SIRPG: variants seen among roughly 807,000 people sequenced by gnomAD.
SIRPG encodes signal-regulatory protein gamma.
SIRPG carries 38 observed loss-of-function variants against 35.7 expected under a neutral mutation model. That is an observed-to-expected ratio of 1.06 (90% CI 0.82 to 1.40). The LOEUF (loss-of-function observed/expected upper bound fraction) is 1.40. Among genes scored for constraint, SIRPG ranks in the 40% most tolerant of loss-of-function variants. The pLI is 0.00. For missense variants in SIRPG, 519 were observed against 483.0 expected, an observed-to-expected ratio of 1.07 and a Z score of -0.70; for synonymous variants, 215 against 190.4, an observed-to-expected ratio of 1.13 and a Z score of -1.06.
At chr20:1,647,887 T>C (rs535145966) in intron 2 of SIRPG, 1 of 152,358 alleles carries the variant, frequency 6.6e-6, no homozygotes, top group East Asian at 1.9e-4. Context: ...TCCATGGTTC[T>C]GTTTGAGGAG....
In SIRPG at chr20:1,652,136, T is replaced by C. The variant is rs140659483; in HGVS notation, c.74-2728A>G. The stretch of plus-strand genomic sequence containing the variant: ...TGGTCATAAACTTCCCCAGGGCTTC[T>C]AACGCAAAACAAAAAATAAAACAAA... On this transcript the variant is annotated intron_variant, in intron 1 of 5. Coordinates refer to ENST00000303415, the MANE Select transcript of SIRPG (RefSeq NM_018556.4). Among the ~76,000 whole-genome samples, 429 of 152,324 alleles carry C rather than the reference T, an allele frequency of 2.8e-3. 2 individuals carry two copies. Among genetic ancestry groups the C allele is most frequent in the African/African-American group, 9.8e-3 (408 of 41,586 alleles).
intron 1 of SIRPG, among the ~76,000 whole-genome samples, chr20:1,657,111 G>A (rs915485467): frequency 1.3e-5 from 2 of 152,158 alleles, no homozygotes; most frequent in Non-Finnish European, 2.9e-5. Context: ...GACACATGGA[G>A]GAGATGGCCT....
the SIRPG span, among the ~76,000 whole-genome samples, chr20:1,667,958 G>A: frequency 6.6e-6 from 1 of 152,100 alleles, no homozygotes; most frequent in East Asian, 1.9e-4. Context: ...TGAGAACAGG[G>A]TTACTTCTTT....
At chr20:1,658,549 A>G (rs962158200), upstream of SIRPG, among the ~76,000 whole-genome samples, 4 of 152,180 alleles carry the variant, frequency 2.6e-5, no homozygotes, top group Admixed American at 6.5e-5. Flanking sequence ...GGAAATGAGG[A>G]AAGAGGAAAA....
chr20:1,671,114 C>T, the SIRPG span: 39 of 425,614 alleles, frequency 9.2e-5, no homozygotes, highest in Middle Eastern at 1.7e-3. Context: ...GGGGAGAAGC[C>T]GTGGGACTCA....
At chr20:1,669,085 G>C in the SIRPG span, among the ~76,000 whole-genome samples, 11 of 152,208 alleles carry the variant, frequency 7.2e-5, no homozygotes, top group Non-Finnish European at 1.0e-4. Context: ...TGGTCAAAGA[G>C]AGGGGAATAT....
intron 1 of SIRPG, among the ~76,000 whole-genome samples, chr20:1,652,330 C>T (rs772288741): frequency 1.3e-5 from 2 of 152,302 alleles, no homozygotes; most frequent in East Asian, 1.9e-4. Flanking sequence ...TGAAATGGGT[C>T]CCACTGGAAC....
chr20:1,648,977 C>T, intron 2 of SIRPG, 75 bp downstream of exon 2: 1 of 1,323,652 alleles, frequency 7.6e-7, no homozygotes, highest in Non-Finnish European at 1.1e-6. Context: ...CTGATTGTTG[C>T]TCAAAGAATG....
the SIRPG span, among the ~76,000 whole-genome samples, chr20:1,677,429 CCTT>C: frequency 6.6e-6 from 1 of 152,158 alleles, no homozygotes; most frequent in Admixed American, 6.5e-5. Flanking sequence ...CTATGGATCA[CCTT>C]CTCCCTTCCG....
intron 1 of SIRPG, chr20:1,651,475 G>C (rs1024026420): frequency 6.6e-6 from 1 of 152,066 alleles, no homozygotes; most frequent in Admixed American, 6.6e-5. Context: ...CCTACTCCCT[G>C]GGAGCTCCTC....
intron 2 of SIRPG, among the ~76,000 whole-genome samples, chr20:1,641,616 A>G (rs893080712): frequency 4.6e-5 from 7 of 151,592 alleles, no homozygotes; most frequent in African/African-American, 1.2e-4. Context: ...TTCGTTTCTG[A>G]TCTTAGTCAT....
chr20:1,657,735 G>T lies in SIRPG; in HGVS notation c.-21C>A, dbSNP rs760608666. On this transcript the variant is annotated 5_prime_UTR_variant, in exon 1 of 6. Transcript: ENST00000303415. ...GGCATTTTGGAGACCTCAGAAGCCTGCTCTGTTCAAACGTCTGTTCTGGGG... is the reference window on the plus strand; with the variant it reads ...GGCATTTTGGAGACCTCAGAAGCCTTCTCTGTTCAAACGTCTGTTCTGGGG... The T allele has an allele frequency of 1.9e-6, 3 of 1,611,266 alleles. No homozygotes were observed. The South Asian group carries it at 3.3e-5, about 18-fold the overall frequency.
intron 2 of SIRPG, among the ~76,000 whole-genome samples, chr20:1,643,163 T>C (rs982697088): frequency 1.3e-5 from 2 of 152,196 alleles, no homozygotes; most frequent in East Asian, 1.9e-4. Flanking sequence ...CTGAAGTGTG[T>C]TTTCCAATTT....
chr20:1,635,301 G>C lies in SIRPG; in HGVS notation c.1047C>G (p.Val349=). The C allele has an allele frequency of 3.7e-6, 6 of 1,613,814 alleles. No homozygotes were observed. Among genetic ancestry groups the C allele is most frequent in the Non-Finnish European group, 5.1e-6 (6 of 1,179,734 alleles). ...CATCTGAGCTCTGGTCCTTCTGGTG[G>C]ACTGTGACCTCTAGGGCAAGGCGTT... The part of the protein sequence containing the change: ...VSKRLALEVT[V]HQKDQSSDAT... Residue 349 remains valine (V), a synonymous_variant, in exon 4 of 6, where the codon GTC becomes GTG. Coordinates refer to ENST00000303415, the MANE Select transcript of SIRPG (RefSeq NM_018556.4).
intron 2 of SIRPG, among the ~76,000 whole-genome samples, chr20:1,641,925 G>C (rs1244880514): frequency 6.6e-6 from 1 of 152,188 alleles, no homozygotes; most frequent in Non-Finnish European, 1.5e-5. Flanking sequence ...TTAATTCTGA[G>C]TTCTAATTTG....
At chr20:1,676,764 T>G in the SIRPG span, 1 of 213,892 alleles carries the variant, frequency 4.7e-6, no homozygotes, top group South Asian at 8.0e-5. Context: ...GTCCAGCTCC[T>G]CTGAACCACT....
At chr20:1,639,366 G>T (rs1326982015) in intron 2 of SIRPG, among the ~76,000 whole-genome samples, 3 of 152,100 alleles carry the variant, frequency 2.0e-5, no homozygotes, top group Non-Finnish European at 4.4e-5. Context: ...TTTCTCTAAT[G>T]ATCAGTGATG....
chr20:1,635,452 G>T lies in SIRPG; in HGVS notation c.896C>A (p.Thr299Asn). ...GNVCQRETAS[T>N]LTENKDGTYN... Reference sequence around the variant, plus strand: ...GGTACCATCCTTGTTCTCTGTAAGGGTCGAGGCTGTTTCTCTCTGGCACAC... The same window carrying T: ...GGTACCATCCTTGTTCTCTGTAAGGTTCGAGGCTGTTTCTCTCTGGCACAC... Residue 299 changes from threonine to asparagine, a missense_variant, in exon 4 of 6, where the codon ACC becomes AAC. Thr to Asn is a moderately conservative substitution (Grantham distance 65). Transcript: ENST00000303415. The T allele has an allele frequency of 6.2e-7, 1 of 1,614,136 alleles. No homozygotes were observed. The highest frequency in any genetic ancestry group is 8.5e-7 in the Non-Finnish European group (1 of 1,180,006).
the SIRPG span, among the ~76,000 whole-genome samples, chr20:1,664,514 T>C: frequency 2.6e-5 from 4 of 152,238 alleles, 1 homozygote; most frequent in South Asian, 8.3e-4. Flanking sequence ...TTGATGTGTT[T>C]CTCACATTCT....
Sources: gnomAD v4.1 joint callset for allele counts (sites outside exome capture counted in the v4.1 genomes callset) on GRCh38, gnomAD v4.1.1 for gene constraint, MANE v1.5 for transcripts, NCBI Gene and HGNC (gene_info 2026-07-23, HGNC 2026-07-21) for gene names.